The following LOC400499 variants were observed in gnomAD, a reference collection of about 807,000 sequenced individuals.
At chr16:11,458,773 T>G in the LOC400499 span, among the ~76,000 whole-genome samples, 1 of 152,040 alleles carries the variant, frequency 6.6e-6, no homozygotes, top group East Asian at 1.9e-4. Context: ...TGGTGGCTCA[T>G]GCCTGTAACC....
the LOC400499 span, among the ~76,000 whole-genome samples, chr16:11,378,212 T>C: frequency 6.8e-6 from 1 of 146,952 alleles, no homozygotes. Context: ...GCTAGGATTA[T>C]AGAACAGTGT....
At chr16:11,489,193 C>T in the LOC400499 span, among the ~76,000 whole-genome samples, 1 of 152,148 alleles carries the variant, frequency 6.6e-6, no homozygotes, top group African/African-American at 2.4e-5. Context: ...TTGGGGTGGT[C>T]CCTCTGCCTC....
the LOC400499 span, among the ~76,000 whole-genome samples, chr16:11,409,302 T>C: frequency 1.3e-5 from 2 of 151,660 alleles, no homozygotes; most frequent in Non-Finnish European, 2.9e-5. Flanking sequence ...AAATAAAACA[T>C]TGGGTAAGGA....
At chr16:11,485,343 T>C in the LOC400499 span, among the ~76,000 whole-genome samples, 2 of 152,140 alleles carry the variant, frequency 1.3e-5, no homozygotes, top group Non-Finnish European at 2.9e-5. Flanking sequence ...AAGCCCTCCC[T>C]GAACTCCCAT....
At chr16:11,460,777 G>A in the LOC400499 span, among the ~76,000 whole-genome samples, 1 of 152,256 alleles carries the variant, frequency 6.6e-6, no homozygotes, top group Admixed American at 6.5e-5. Flanking sequence ...TTAAGAGATG[G>A]GTGAATGTCT....
the LOC400499 span, among the ~76,000 whole-genome samples, chr16:11,514,190 G>C: frequency 1.3e-5 from 2 of 152,126 alleles, no homozygotes; most frequent in Non-Finnish European, 2.9e-5. Context: ...AAAGAGCCTG[G>C]AGAACCTTCT....
At chr16:11,413,998 C>T in the LOC400499 span, among the ~76,000 whole-genome samples, 13 of 152,178 alleles carry the variant, frequency 8.5e-5, no homozygotes, top group South Asian at 2.1e-4. Context: ...ATGAGACTGA[C>T]GAACGCCCAT....
At chr16:11,404,075 T>A in the LOC400499 span, among the ~76,000 whole-genome samples, 90 of 152,320 alleles carry the variant, frequency 5.9e-4, no homozygotes, top group Admixed American at 3.5e-3. Flanking sequence ...TCTGCTCAGA[T>A]CTGCCAGCTC....
At chr16:11,404,347 T>A in the LOC400499 span, among the ~76,000 whole-genome samples, 1 of 152,280 alleles carries the variant, frequency 6.6e-6, no homozygotes, top group African/African-American at 2.4e-5. Flanking sequence ...GATATGCAGG[T>A]GCTCAGTCAT....
the LOC400499 span, chr16:11,430,937 G>T: frequency 7.5e-6 from 3 of 397,998 alleles, no homozygotes; most frequent in Non-Finnish European, 8.8e-6. Context: ...GTGAGATGCT[G>T]GAGTTGGAGC....
chr16:11,454,270 G>C, the LOC400499 span, among the ~76,000 whole-genome samples: 1 of 152,176 alleles, frequency 6.6e-6, no homozygotes, highest in East Asian at 1.9e-4. Flanking sequence ...TCAACATTTA[G>C]GGTCTCAAAA....
the LOC400499 span, among the ~76,000 whole-genome samples, chr16:11,456,293 C>A: frequency 1.3e-5 from 2 of 152,204 alleles, no homozygotes; most frequent in Non-Finnish European, 2.9e-5. Flanking sequence ...AATCCGCCCC[C>A]ACACCCAGCC....
the LOC400499 span, chr16:11,502,033 C>G: frequency 7.5e-6 from 3 of 398,900 alleles, no homozygotes; most frequent in East Asian, 1.1e-4. Context: ...AGGGATGCCC[C>G]CAGCCAGCTC....
the LOC400499 span, among the ~76,000 whole-genome samples, chr16:11,452,014 A>G: frequency 2.0e-5 from 3 of 152,118 alleles, no homozygotes; most frequent in African/African-American, 7.2e-5. Flanking sequence ...AGGGAAACCC[A>G]CCGGTCTGCA....
chr16:11,393,143 C>T, the LOC400499 span, among the ~76,000 whole-genome samples: 6 of 129,460 alleles, frequency 4.6e-5, no homozygotes, highest in African/African-American at 8.6e-5. Context: ...TGTGAGCCAC[C>T]ACGCCTGGCC....
chr16:11,381,310 C>G, the LOC400499 span, among the ~76,000 whole-genome samples: 28,730 of 152,052 alleles, frequency 0.19, 3,547 homozygotes, highest in African/African-American at 0.35. Context: ...GTGATCATGG[C>G]TCACTGCAGC....
the LOC400499 span, among the ~76,000 whole-genome samples, chr16:11,414,990 C>T: frequency 2.6e-5 from 4 of 152,180 alleles, no homozygotes; most frequent in East Asian, 1.9e-4. Flanking sequence ...TGACATGCAG[C>T]GGGGGTGCAG....
At chr16:11,446,066 C>G in the LOC400499 span, among the ~76,000 whole-genome samples, 2 of 152,108 alleles carry the variant, frequency 1.3e-5, no homozygotes, top group African/African-American at 2.4e-5. Context: ...CTCAGGTGAT[C>G]TGCCCGCCTT....
the LOC400499 span, chr16:11,392,653 C>T: frequency 2.2e-6 from 1 of 449,850 alleles, no homozygotes; most frequent in Non-Finnish European, 2.9e-6. Context: ...GAGCAACCAC[C>T]TGAGCCACCT....
Sources: gnomAD v4.1 joint callset for allele counts (sites outside exome capture counted in the v4.1 genomes callset) on GRCh38, gnomAD v4.1.1 for gene constraint, MANE v1.5 for transcripts.